Variants in INSYN2B observed in about 807,000 individuals in gnomAD.
INSYN2B encodes the protein protein INSYN2B.
Under a neutral mutation model 41.2 loss-of-function variants are expected in INSYN2B, and 16 were observed. The ratio of observed to expected loss-of-function variants is 0.39; its 90% CI spans 0.26 to 0.59. The LOEUF is 0.59. INSYN2B is among the 20% of genes least tolerant of loss of function. INSYN2B has a pLI of 0.57. For synonymous variants in INSYN2B, 245 were observed against 244.4 expected, an observed-to-expected ratio of 1.00 and a Z score of -0.02; for missense variants, 608 against 646.4, an observed-to-expected ratio of 0.94 and a Z score of 0.64.
At chr5:169,904,174 G>A (rs112266973) in intron 1 of INSYN2B, among the ~76,000 whole-genome samples, 8 of 151,850 alleles carry the variant, frequency 5.3e-5, no homozygotes, top group African/African-American at 1.9e-4. Context: ...TACTTTCTTG[G>A]GTAAAAGCAG....
intron 3 of INSYN2B, among the ~76,000 whole-genome samples, chr5:169,866,673 C>T (rs1172352115): frequency 1.2e-4 from 19 of 152,208 alleles, no homozygotes; most frequent in African/African-American, 4.6e-4. Flanking sequence ...TAGAGACCTT[C>T]TAGCCAAAGC....
At chr5:169,952,212 G>A (rs1182091) in intron 1 of INSYN2B, among the ~76,000 whole-genome samples, 55,246 of 151,940 alleles carry the variant, frequency 0.36, 11,866 homozygotes, top group African/African-American at 0.61. Flanking sequence ...CACTCTAACC[G>A]AGCTTTTTTG....
At chr5:169,893,709 A>T (rs1243747236) in intron 1 of INSYN2B, among the ~76,000 whole-genome samples, 2 of 152,210 alleles carry the variant, frequency 1.3e-5, no homozygotes, top group African/African-American at 4.8e-5. Context: ...AAAAAACAAC[A>T]GGAAGCCAGA....
chr5:169,899,787 G>C (rs1354832612), intron 1 of INSYN2B, among the ~76,000 whole-genome samples: 1 of 152,162 alleles, frequency 6.6e-6, no homozygotes, highest in Non-Finnish European at 1.5e-5. Flanking sequence ...TGTGTTCACA[G>C]TGTTGTGCCT....
intron 3 of INSYN2B, among the ~76,000 whole-genome samples, chr5:169,878,009 C>T (rs1772426649): frequency 1.3e-5 from 2 of 152,160 alleles, no homozygotes; most frequent in Non-Finnish European, 2.9e-5. Flanking sequence ...CATTTTACAA[C>T]TGAAACCAAG....
chr5:169,879,501 A>G (rs931292017), intron 3 of INSYN2B, among the ~76,000 whole-genome samples: 1 of 152,200 alleles, frequency 6.6e-6, no homozygotes, highest in African/African-American at 2.4e-5. Context: ...CTGGGAGAAC[A>G]GTCTGGCTTT....
chr5:169,864,925 GAGATAAT>G (rs1771446934), intron 3 of INSYN2B, among the ~76,000 whole-genome samples: 1 of 152,228 alleles, frequency 6.6e-6, no homozygotes, highest in African/African-American at 2.4e-5. Context: ...TGTGTAAACT[GAGATAAT>G]ATAAATGAAA....
intron 1 of INSYN2B, among the ~76,000 whole-genome samples, chr5:169,929,162 T>C (rs1490402475): frequency 6.6e-6 from 1 of 152,180 alleles, no homozygotes; most frequent in Non-Finnish European, 1.5e-5. Context: ...CACTTAGGCA[T>C]AGCAGGGGGT....
Position 169,882,760 on chromosome 5 carries a change from G to A in INSYN2B, c.1139C>T (p.Pro380Leu). ...FPNCPGSNHL[P>L]SSLSRSETKL... is the part of the protein sequence containing the mutation. Reference sequence around the variant, plus strand: ...GGTCTCACTCCTTGAAAGAGAGGATGGGAGATGATTACTTCCTGGACAATT... The same window carrying A: ...GGTCTCACTCCTTGAAAGAGAGGATAGGAGATGATTACTTCCTGGACAATT... The change falls in exon 2 of 4, where the codon CCA (proline) becomes CTA (leucine). Residue 380 changes from proline (P) to leucine (L), a missense_variant. By Grantham distance (98) the Pro-to-Leu change is moderately conservative. Coordinates refer to ENST00000377365, the MANE Select transcript of INSYN2B (RefSeq NM_001129891.3). 6.4e-7 allele frequency: 1 copy of A among 1,551,728 alleles called. No individual in the cohort carries two copies. The highest frequency in any genetic ancestry group is 8.7e-7 in the Non-Finnish European group (1 of 1,146,954).
chr5:169,888,057 G>GA (rs60558785), intron 1 of INSYN2B, among the ~76,000 whole-genome samples: 5,391 of 152,294 alleles, frequency 0.035, 194 homozygotes, highest in African/African-American at 0.091. Context: ...AGTTGAAAAT[G>GA]AAAATTTGAA....
chr5:169,913,759 T>C (rs534652510), intron 1 of INSYN2B, among the ~76,000 whole-genome samples: 2 of 152,154 alleles, frequency 1.3e-5, no homozygotes, highest in Admixed American at 6.5e-5. Context: ...AGTGATCTAA[T>C]TGGTCTAACC....
intron 1 of INSYN2B, chr5:169,934,741 C>G (rs1309637267): frequency 2.2e-6 from 1 of 456,032 alleles, no homozygotes. Context: ...GGGCTGCTCA[C>G]GGGATCAGTG....
chr5:169,960,615 A>T (rs1453520905), intron 1 of INSYN2B, among the ~76,000 whole-genome samples: 6 of 152,156 alleles, frequency 3.9e-5, no homozygotes, highest in Non-Finnish European at 8.8e-5. Flanking sequence ...CAGCCATTTG[A>T]CTCAATATTC....
rs540935886 is a variant in INSYN2B at position 169,938,896 on chromosome 5, C to CTT, written c.-919+41379_-919+41380dup. On this transcript the variant is annotated intron_variant, in intron 1 of 3. Transcript: ENST00000377365. ...CCTTATTCTACAAGCATTTTTCTTT[C>CTT]TTTTTTTTCTTTTCTTTTTTTTTTT... 2.5e-3 allele frequency among the ~76,000 whole-genome samples: 365 copies of CTT among 144,998 alleles called. 5 individuals carry two copies. The South Asian group carries it at 0.047, about 19-fold the overall frequency.
intron 1 of INSYN2B, among the ~76,000 whole-genome samples, chr5:169,918,998 T>C (rs1775028716): frequency 6.6e-6 from 1 of 152,214 alleles, no homozygotes; most frequent in South Asian, 2.1e-4. Flanking sequence ...TATAAACCAG[T>C]AACAAGGGTT....
At chr5:169,894,797 A>G (rs899862022) in intron 1 of INSYN2B, among the ~76,000 whole-genome samples, 1 of 152,190 alleles carries the variant, frequency 6.6e-6, no homozygotes, top group African/African-American at 2.4e-5. Flanking sequence ...CCCAGGTTAC[A>G]CAGAGACGGG....
At chr5:169,911,491 C>T (rs1264498446) in intron 1 of INSYN2B, among the ~76,000 whole-genome samples, 3 of 152,150 alleles carry the variant, frequency 2.0e-5, no homozygotes, top group Admixed American at 1.3e-4. Flanking sequence ...TGGCCAGTGA[C>T]ATTTTTCCAA....
At chr5:169,947,920 G>A (rs1424724746) in intron 1 of INSYN2B, among the ~76,000 whole-genome samples, 4 of 152,118 alleles carry the variant, frequency 2.6e-5, no homozygotes, top group African/African-American at 9.7e-5. Flanking sequence ...ATGTCACACC[G>A]TGCAGTGCCG....
intron 1 of INSYN2B, among the ~76,000 whole-genome samples, chr5:169,908,707 TTTTTTC>T (rs1774425244): frequency 1.6e-5 from 2 of 122,672 alleles, no homozygotes; most frequent in South Asian, 5.2e-4. Flanking sequence ...TTCTCTTTTC[TTTTTTC>T]TTTTTTTTTT....
Sources: allele counts gnomAD v4.1 joint callset (sites outside exome capture counted in the v4.1 genomes callset), GRCh38; gene constraint gnomAD v4.1.1; transcripts MANE v1.5; gene names NCBI Gene and HGNC (gene_info 2026-07-23, HGNC 2026-07-21).